The following CCSER1 variants were observed in gnomAD, a reference collection of about 807,000 sequenced individuals.
CCSER1 encodes serine-rich coiled-coil domain-containing protein 1.
Under a neutral mutation model 82.0 loss-of-function variants are expected in CCSER1, and 41 were observed. The ratio of observed to expected loss-of-function variants is 0.50; its 90% CI spans 0.39 to 0.65. The LOEUF is 0.65. Among genes scored for constraint, CCSER1 ranks in the 30% least tolerant of loss-of-function variants. The pLI is 0.00. For synonymous variants in CCSER1, 414 were observed against 383.9 expected (o/e 1.08, Z -0.92); for missense variants, 1,119 against 1,064.2 (o/e 1.05, Z -0.72).
intron 1 of CCSER1, among the ~76,000 whole-genome samples, chr4:90,242,149 TA>T (rs1324093490): frequency 6.6e-6 from 1 of 151,798 alleles, no homozygotes; most frequent in African/African-American, 2.4e-5. Context: ...TTACTAAAAA[TA>T]AAAAAAATTA....
intron 6 of CCSER1, 35 bp downstream of exon 6, chr4:90,628,267 G>A (rs1368426095): frequency 1.3e-6 from 2 of 1,545,216 alleles, no homozygotes; most frequent in African/African-American, 2.7e-5. Context: ...GTCCTTCAGT[G>A]CTGGTAGACA....
At chr4:90,640,390 T>C (rs1165322813) in intron 6 of CCSER1, among the ~76,000 whole-genome samples, 1 of 152,178 alleles carries the variant, frequency 6.6e-6, no homozygotes, top group Non-Finnish European at 1.5e-5. Context: ...AAGGAAACTA[T>C]AGATTTTATT....
chr4:90,686,617 T>C (rs1293768663), intron 6 of CCSER1, among the ~76,000 whole-genome samples: 3 of 152,118 alleles, frequency 2.0e-5, no homozygotes, highest in Admixed American at 6.6e-5. Context: ...AGATCAGCTT[T>C]AGCCTAAGCA....
intron 1 of CCSER1, among the ~76,000 whole-genome samples, chr4:90,302,935 T>C (rs1176932767): frequency 1.3e-5 from 2 of 152,184 alleles, no homozygotes; most frequent in African/African-American, 2.4e-5. Flanking sequence ...TCTGGAGATG[T>C]AGACAGCATC....
intron 10 of CCSER1, among the ~76,000 whole-genome samples, chr4:91,091,434 T>A (rs1723938549): frequency 6.6e-6 from 1 of 152,144 alleles, no homozygotes; most frequent in African/African-American, 2.4e-5. Flanking sequence ...ACAAAAAAAA[T>A]TGTCTTAACG....
At chr4:90,349,103 G>A (rs917725909) in intron 3 of CCSER1, among the ~76,000 whole-genome samples, 3 of 152,146 alleles carry the variant, frequency 2.0e-5, no homozygotes, top group Middle Eastern at 6.8e-3. Flanking sequence ...TGTTTTATTT[G>A]CCTAAGAGAC....
intron 6 of CCSER1, among the ~76,000 whole-genome samples, chr4:90,689,993 G>A (rs1490929327): frequency 6.6e-6 from 1 of 152,090 alleles, no homozygotes; most frequent in Non-Finnish European, 1.5e-5. Context: ...GAGTTCTAAA[G>A]GTGTAAGCCT....
intron 4 of CCSER1, among the ~76,000 whole-genome samples, chr4:90,411,107 G>A (rs1007582200): frequency 1.3e-5 from 2 of 152,074 alleles, no homozygotes; most frequent in South Asian, 2.1e-4. Flanking sequence ...ACCAATAATA[G>A]GCTCTGAAAT....
intron 9 of CCSER1, among the ~76,000 whole-genome samples, chr4:90,928,348 G>T (rs925888554): frequency 2.6e-5 from 4 of 151,964 alleles, no homozygotes; most frequent in African/African-American, 9.7e-5. Context: ...TTATCCAGTG[G>T]TAATGTTCTA....
intron 1 of CCSER1, among the ~76,000 whole-genome samples, chr4:90,166,307 A>G (rs1049754282): frequency 1.3e-5 from 2 of 151,948 alleles, no homozygotes; most frequent in African/African-American, 4.8e-5. Context: ...CAACTTAGAT[A>G]TTTTCAACTT....
At chr4:90,192,203 AGAG>A (rs1261709133) in intron 1 of CCSER1, among the ~76,000 whole-genome samples, 1 of 152,034 alleles carries the variant, frequency 6.6e-6, no homozygotes, top group East Asian at 1.9e-4. Flanking sequence ...GCAGGCAAAG[AGAG>A]CTTGTGCAGG....
intron 3 of CCSER1, among the ~76,000 whole-genome samples, chr4:90,393,458 G>A (rs1478800549): frequency 1.3e-5 from 2 of 152,130 alleles, no homozygotes; most frequent in Non-Finnish European, 2.9e-5. Context: ...TGACTAGGCT[G>A]TAAACGTCTT....
chr4:91,088,341 A>G (rs10023583), intron 10 of CCSER1, among the ~76,000 whole-genome samples: 103,837 of 152,062 alleles, frequency 0.68, 36,396 homozygotes, highest in African/African-American at 0.84. Context: ...CATTTAAAAT[A>G]TTCTATTTAC....
intron 10 of CCSER1, among the ~76,000 whole-genome samples, chr4:91,386,149 C>T (rs1751272603): frequency 6.6e-6 from 1 of 150,688 alleles, no homozygotes; most frequent in South Asian, 2.1e-4. Flanking sequence ...ACCCAGGGTT[C>T]CACCAAGAAA....
intron 3 of CCSER1, among the ~76,000 whole-genome samples, chr4:90,318,028 C>T (rs1297711375): frequency 1.3e-5 from 2 of 152,082 alleles, no homozygotes; most frequent in Non-Finnish European, 1.5e-5. Flanking sequence ...TTTGTTGTAT[C>T]CAAGTTCTTT....
intron 1 of CCSER1, among the ~76,000 whole-genome samples, chr4:90,285,311 T>C (rs987014408): frequency 2.0e-5 from 3 of 152,074 alleles, no homozygotes; most frequent in African/African-American, 7.2e-5. Context: ...CATATCTTCT[T>C]CAATTTCTTT....
intron 10 of CCSER1, among the ~76,000 whole-genome samples, chr4:91,096,528 C>A (rs995633117): frequency 6.6e-6 from 1 of 152,184 alleles, no homozygotes; most frequent in African/African-American, 2.4e-5. Flanking sequence ...GGGAACTGAT[C>A]TGGGTGTCCT....
chr4:90,652,647 T>G lies in CCSER1; in HGVS notation c.1932+24415T>G, dbSNP rs577168185. On this transcript the variant is annotated intron_variant, in intron 6 of 10. Coordinates refer to ENST00000509176, the MANE Select transcript of CCSER1 (RefSeq NM_001145065.2). ...TCTATTGCAAAAAAGAAGACCAAGA[T>G]GAGATCATACCTCAGTGGACCTTTT... is the stretch of plus-strand genomic sequence containing the variant. 2.6e-5 allele frequency among the ~76,000 whole-genome samples: 4 copies of G among 152,326 alleles called. No homozygotes were observed. The East Asian group carries it at 7.7e-4, about 29-fold the overall frequency.
intron 10 of CCSER1, among the ~76,000 whole-genome samples, chr4:91,542,741 A>G (rs990328663): frequency 6.6e-6 from 1 of 152,162 alleles, no homozygotes; most frequent in Non-Finnish European, 1.5e-5. Flanking sequence ...CAATTTTGGA[A>G]TAAGTGTGAT....
Sources: gnomAD v4.1 joint callset for allele counts (sites outside exome capture counted in the v4.1 genomes callset) on GRCh38, gnomAD v4.1.1 for gene constraint, MANE v1.5 for transcripts, NCBI Gene and HGNC (gene_info 2026-07-23, HGNC 2026-07-21) for gene names.